The following SLC51A variants were observed in gnomAD, a reference collection of about 807,000 sequenced individuals.
SLC51A encodes the protein solute carrier family 51 member A.
SLC51A carries 22 observed loss-of-function variants against 34.8 expected under a neutral mutation model. That is an observed-to-expected ratio of 0.63 (90% CI 0.45 to 0.90). The LOEUF is 0.90. SLC51A is among the 40% of genes least tolerant of loss of function. The pLI, the probability that SLC51A is intolerant of heterozygous loss-of-function variation, is 0.00. For missense variants in SLC51A, 371 were observed against 414.8 expected, an observed-to-expected ratio of 0.89 and a Z score of 0.92; for synonymous variants, 181 against 176.3, an observed-to-expected ratio of 1.03 and a Z score of -0.21.
At chr3:196,221,771 A>C (rs978936184) in intron 2 of SLC51A, among the ~76,000 whole-genome samples, 1 of 150,246 alleles carries the variant, frequency 6.7e-6, no homozygotes, top group East Asian at 2.0e-4. Flanking sequence ...GCTGGAGTGC[A>C]GTGGTGTGAT....
chr3:196,224,194 C>T (rs1398082990), intron 2 of SLC51A, among the ~76,000 whole-genome samples: 3 of 151,572 alleles, frequency 2.0e-5, no homozygotes, highest in Non-Finnish European at 1.5e-5. Flanking sequence ...TTGTAGAAAT[C>T]ATACTATTCC....
At chr3:196,227,636 C>T (rs1352309189) in intron 3 of SLC51A, 28 bp from the exon 4 acceptor site, 1 of 1,610,160 alleles carries the variant, frequency 6.2e-7, no homozygotes, top group Non-Finnish European at 8.5e-7. Flanking sequence ...CCCTCCCGCC[C>T]TCACCTGCTC....
At chr3:196,220,022 T>C (rs1723704785) in intron 2 of SLC51A, among the ~76,000 whole-genome samples, 1 of 152,210 alleles carries the variant, frequency 6.6e-6, no homozygotes, top group Non-Finnish European at 1.5e-5. Flanking sequence ...CGGGCCCTCC[T>C]GGGACAGGGA....
At chr3:196,229,378 C>CTT (rs35341874) in intron 6 of SLC51A, among the ~76,000 whole-genome samples, 35,669 of 130,718 alleles carry the variant, frequency 0.27, 5,979 homozygotes, top group East Asian at 0.73. Context: ...GATACCATCT[C>CTT]TTTTTTTTTT....
intron 2 of SLC51A, chr3:196,223,993 G>T: frequency 3.2e-6 from 1 of 314,622 alleles, no homozygotes; most frequent in Non-Finnish European, 6.2e-6. Flanking sequence ...CCAGTAGGTG[G>T]GATTACAGGT....
chr3:196,227,511 GCTTGA>G (rs762187373), intron 3 of SLC51A, 148 bp from the exon 4 acceptor site: 26 of 677,830 alleles, frequency 3.8e-5, no homozygotes, highest in Non-Finnish European at 5.8e-5. Flanking sequence ...TCCTTGGTTT[GCTTGA>G]CTTAATTAGT....
chr3:196,232,777 TC>T, intron 8 of SLC51A: 1 of 581,680 alleles, frequency 1.7e-6, no homozygotes. Flanking sequence ...AGTCCTCAGC[TC>T]CTGGGAGAGG....
At chr3:196,226,557 T>C (rs1235661492) in intron 2 of SLC51A, 1 of 154,120 alleles carries the variant, frequency 6.5e-6, no homozygotes, top group Non-Finnish European at 1.4e-5. Flanking sequence ...AGTGGATCAC[T>C]TGAGGTGAGG....
At position 196,229,987 on chromosome 3, in the gene SLC51A, C is replaced by T; in HGVS notation, c.706C>T (p.Leu236=). The change falls in exon 7 of 9, where the codon CTG becomes TTG. Residue 236 remains leucine, a synonymous_variant. Coordinates refer to ENST00000296327, the MANE Select transcript of SLC51A (RefSeq NM_152672.6). ...GTCCACACTGCTGGCTCTCTGGACC[C>T]TGGGCATCATTTCCCGTCAAGCCAG... ...GVSTLLALWT[L]GIISRQARLH... is the part of the protein sequence containing the mutation. The T allele has an allele frequency of 1.2e-6, 2 of 1,613,940 alleles. No individual in the cohort carries two copies. Among genetic ancestry groups the T allele is most frequent in the South Asian group, 2.2e-5 (2 of 91,038 alleles).
intron 6 of SLC51A, among the ~76,000 whole-genome samples, chr3:196,229,471 G>A (rs773867982): frequency 1.3e-5 from 2 of 148,286 alleles, no homozygotes; most frequent in South Asian, 2.1e-4. Flanking sequence ...TCCGCCTCCC[G>A]GGTTTAAGTG....
At position 196,227,949 on chromosome 3, in the gene SLC51A, A is replaced by G. The variant is rs550701124; in HGVS notation, c.363-166A>G. 83 of 1,023,132 alleles carry G rather than the reference A, an allele frequency of 8.1e-5. No homozygotes were observed. In the Admixed American group the frequency reaches 9.5e-4, roughly 12 times the overall value. The allele number at this position is 1,023,132 out of a possible 1,614,324, so 63.4% of individuals were successfully genotyped here. A position where few individuals can be genotyped will look rare whatever the true frequency, so the allele number is the denominator to read the frequency against. ...CAGCCCTCTGTTCCCACAGTCTGAA[A>G]TTCCCCTTCTCCCAGTCCTGTGGGC... On this transcript the variant is annotated intron_variant, in intron 4 of 8. Coordinates refer to ENST00000296327, the MANE Select transcript of SLC51A (RefSeq NM_152672.6).
rs1375926999 is a variant in SLC51A at position 196,232,533 on chromosome 3, G to A, written c.886+9G>A. The A allele has an allele frequency of 7.5e-6, 12 of 1,604,292 alleles. No individual in the cohort carries two copies. The highest frequency in any genetic ancestry group is 1.0e-5 in the Non-Finnish European group (12 of 1,171,162). On this transcript the variant is annotated intron_variant, in intron 8 of 8. Transcript: ENST00000296327. Reference sequence around the variant, plus strand: ...TAAAACCAGGTCTCAAGGTGAGCACGTTAAGCCTCCTGTCCCATCGTGGGA... The same window carrying A: ...TAAAACCAGGTCTCAAGGTGAGCACATTAAGCCTCCTGTCCCATCGTGGGA...
In SLC51A at chr3:196,216,688, C is replaced by T. The variant is rs149749391; in HGVS notation, c.-25C>T. 439 of 1,556,314 alleles carry T rather than the reference C, an allele frequency of 2.8e-4. No individual in the cohort carries two copies. In the African/African-American group the frequency reaches 5.0e-3, roughly 18 times the overall value. On this transcript the variant is annotated 5_prime_UTR_variant, in exon 1 of 9. Coordinates refer to ENST00000296327, the MANE Select transcript of SLC51A (RefSeq NM_152672.6). This position sits in a 1 kb window ranked among gnomAD's most constrained non-coding sequence, Gnocchi z 4.5. The stretch of plus-strand genomic sequence containing the variant: ...CTGCCCTTCCTCACCCCGGTGCCTG[C>T]GGGATTGCTGGAGAGAACGCGGCGA...
At chr3:196,225,402 G>A (rs1384786788) in intron 2 of SLC51A, among the ~76,000 whole-genome samples, 1 of 151,968 alleles carries the variant, frequency 6.6e-6, no homozygotes, top group African/African-American at 2.4e-5. Context: ...TCCCTGTTTT[G>A]GTTTCAGCAG....
At chr3:196,221,545 C>T (rs555824718) in intron 2 of SLC51A, among the ~76,000 whole-genome samples, 10 of 152,144 alleles carry the variant, frequency 6.6e-5, no homozygotes, top group Admixed American at 2.0e-4. Flanking sequence ...GGATTACAGG[C>T]GTGAATCACT....
rs1362693272 is a variant in SLC51A, at chr3:196,217,932, G to A, written c.129G>A (p.Leu43=). ...FSQPPTAAQL[L]RALGPVELAL... ...AGCCTCCCACAGCAGCCCAACTCCT[G>A]AGAGGTGAGTGGGGACCCTCCTCAG... The change falls in exon 2 of 9, where the codon CTG becomes CTA. Residue 43 remains leucine (L), a synonymous_variant. Transcript: ENST00000296327. 1 of 1,611,972 alleles carries A rather than the reference G, an allele frequency of 6.2e-7. No homozygotes were observed. The highest frequency in any genetic ancestry group is 1.3e-5 in the African/African-American group (1 of 74,860).
In SLC51A at chr3:196,217,843, T is replaced by C. The variant is rs1173909377; in HGVS notation, c.40T>C (p.Tyr14His). 1 of 1,613,266 alleles carries C rather than the reference T, an allele frequency of 6.2e-7. No individual in the cohort carries two copies. The highest frequency in any genetic ancestry group is 1.3e-5 in the African/African-American group (1 of 75,012). Residue 14 changes from tyrosine to histidine, a missense_variant and splice_region_variant, in exon 2 of 9, where the codon TAC becomes CAC. Coordinates refer to ENST00000296327, the MANE Select transcript of SLC51A (RefSeq NM_152672.6). The stretch of plus-strand genomic sequence containing the variant: ...GAGCACAGGCTGGTGTCTCGCCAGG[T>C]ACACAGCAGATCTTCTGGAGGTGCT... ...GRTQIKLDPR[Y>H]TADLLEVLKT...
At chr3:196,223,877 T>TTTC in intron 2 of SLC51A, 1 of 368,906 alleles carries the variant, frequency 2.7e-6, no homozygotes, top group Non-Finnish European at 5.2e-6. Flanking sequence ...TTTTTTTTTT[T>TTTC]CAGACAGAGT....
chr3:196,218,212 G>A (rs1311438960), intron 2 of SLC51A, among the ~76,000 whole-genome samples: 1 of 152,186 alleles, frequency 6.6e-6, no homozygotes, highest in African/African-American at 2.4e-5. Flanking sequence ...CGGACACTGC[G>A]ACCTGGGGCG....
Sources: gnomAD v4.1 joint callset for allele counts (sites outside exome capture counted in the v4.1 genomes callset) on GRCh38, gnomAD v4.1.1 for gene constraint, Gnocchi (gnomAD v3.1) non-coding constraint, MANE v1.5 for transcripts, NCBI Gene and HGNC (gene_info 2026-07-23, HGNC 2026-07-21) for gene names.